The following COL9A1 variants were observed in gnomAD, a reference collection of about 807,000 sequenced individuals.
COL9A1 encodes collagen type IX alpha 1 chain.
A neutral mutation model predicts 142.6 loss-of-function variants in COL9A1; 104 were observed. The observed-to-expected ratio is 0.73, with a 90% CI of 0.62 to 0.86. COL9A1 has a LOEUF of 0.86. Ranked by LOEUF, COL9A1 falls within the 40% of genes least tolerant of loss-of-function variation. The probability of loss-of-function intolerance (pLI) is 0.00; values close to 1 mark genes in which losing one functional copy is unlikely to be tolerated. For missense variants in COL9A1, 1,210 were observed against 1,176.6 expected, an observed-to-expected ratio of 1.03 and a Z score of -0.42; for synonymous variants, 466 against 396.0, an observed-to-expected ratio of 1.18 and a Z score of -2.10.
chr6:70,270,353 T>C lies in COL9A1; in HGVS notation c.1158A>G (p.Arg386=). ...GRVGPVGDPG[R]RGPPGPPGPP... is the part of the protein sequence containing the mutation. ...GGCCAGGGGGGCCAGGTGGTCCTCT[T>C]CTCCCAGGGTCACCCTAAGTTATTT... is the stretch of plus-strand genomic sequence containing the variant. The change falls in exon 15 of 38, where the codon AGA becomes AGG. Residue 386 remains arginine (R), a synonymous_variant. Coordinates refer to ENST00000357250, the MANE Select transcript of COL9A1 (RefSeq NM_001851.6). 2 of 1,613,820 alleles carry C rather than the reference T, an allele frequency of 1.2e-6. No individual in the cohort carries two copies. Among genetic ancestry groups the C allele is most frequent in the Non-Finnish European group, 1.7e-6 (2 of 1,179,850 alleles).
chr6:70,273,453 T>C (rs1025462276), intron 12 of COL9A1, among the ~76,000 whole-genome samples: 7 of 151,028 alleles, frequency 4.6e-5, no homozygotes, highest in Admixed American at 2.0e-4. Flanking sequence ...ATAGCACAAA[T>C]AGGAAAAAAG....
In COL9A1 at chr6:70,300,381, G is replaced by A. The variant is rs1774018308; in HGVS notation, c.94C>T (p.Pro32Ser). The part of the protein sequence containing the change: ...SAAVKRRPRF[P>S]VNSNSNGGNE... ...CCACCATTAGAATTGGAATTGACAGGGAATCCTGCAAAAGAGATAGCATGT... is the reference window on the plus strand; with the variant it reads ...CCACCATTAGAATTGGAATTGACAGAGAATCCTGCAAAAGAGATAGCATGT... Residue 32 changes from proline (P) to serine (S), a missense_variant, in exon 3 of 38, where the codon CCT becomes TCT. Transcript: ENST00000357250. The A allele has an allele frequency of 3.1e-6, 5 of 1,609,904 alleles. No homozygotes were observed. Among genetic ancestry groups the A allele is most frequent in the South Asian group, 2.2e-5 (2 of 90,996 alleles).
Position 70,216,676 on chromosome 6 carries a change from ACT to A in COL9A1, c.*219_*220del, listed in dbSNP as rs2127543733. The A allele has an allele frequency of 1.8e-6, 1 of 569,328 alleles. No homozygotes were observed. Among genetic ancestry groups the A allele is most frequent in the African/African-American group, 1.9e-5 (1 of 51,286 alleles). 35.3% of individuals were successfully genotyped at this position (569,328 alleles called of 1,614,324 possible). On this transcript the variant is annotated 3_prime_UTR_variant, in exon 38 of 38. Coordinates refer to ENST00000357250, the MANE Select transcript of COL9A1 (RefSeq NM_001851.6). ...TTTCTTTTTTTTTTTTTAACTGATG[ACT>A]CTGCTGTCTTCCCTCCAAGGGAAAG...
Position 70,259,916 on chromosome 6 carries a change from G to A in COL9A1, c.1449+741C>T, listed in dbSNP as rs551749088. Among the ~76,000 whole-genome samples, 22 of 152,160 alleles carry A rather than the reference G, an allele frequency of 1.4e-4. No individual in the cohort carries two copies. The South Asian group carries it at 4.6e-3, about 32-fold the overall frequency. ...CCATAAGTGTATAACCCATGCTAAG[G>A]GCAGGGCTCATGGATCAGCTTGCAG... On this transcript the variant is annotated intron_variant, in intron 20 of 37. Transcript: ENST00000357250.
intron 6 of COL9A1, among the ~76,000 whole-genome samples, 164 bp downstream of exon 6, chr6:70,283,573 G>T (rs531759827): frequency 2.8e-4 from 43 of 152,288 alleles, no homozygotes; most frequent in African/African-American, 9.9e-4. Context: ...AGTATGAAGT[G>T]TACTTCCCTA....
chr6:70,272,544 G>A (rs1772475957), intron 12 of COL9A1, among the ~76,000 whole-genome samples: 1 of 151,836 alleles, frequency 6.6e-6, no homozygotes, highest in South Asian at 2.1e-4. Context: ...GAGAGGCAGG[G>A]ACAAAAAAGG....
chr6:70,283,199 G>A (rs781403057), intron 6 of COL9A1: 214 of 1,470,182 alleles, frequency 1.5e-4, no homozygotes, highest in Non-Finnish European at 1.9e-4. Context: ...TCCAGGCCCG[G>A]GAGGCGCGCG....
intron 32 of COL9A1, among the ~76,000 whole-genome samples, chr6:70,239,680 A>G (rs1469964305): frequency 6.6e-6 from 1 of 152,236 alleles, no homozygotes; most frequent in African/African-American, 2.4e-5. Flanking sequence ...AATTCAAACA[A>G]TATTTAAAAG....
intron 7 of COL9A1, among the ~76,000 whole-genome samples, chr6:70,282,355 C>G (rs535439578): frequency 6.6e-6 from 1 of 152,358 alleles, no homozygotes; most frequent in Admixed American, 6.5e-5. Context: ...GCCGGGTCCT[C>G]CCTCGCGCAG....
chr6:70,253,432 A>G lies in COL9A1; in HGVS notation c.1720-3T>C, dbSNP rs778109649. The stretch of plus-strand genomic sequence containing the variant: ...GCACCAGGAATTCCAGGTACACCCT[A>G]AAAGAATACATACACAATCCTAGTT... On this transcript the variant is annotated splice_polypyrimidine_tract_variant and splice_region_variant and intron_variant, in intron 25 of 37. Transcript: ENST00000357250. 2 of 1,602,872 alleles carry G rather than the reference A, an allele frequency of 1.2e-6. No individual in the cohort carries two copies. Among genetic ancestry groups the G allele is most frequent in the South Asian group, 2.2e-5 (2 of 90,574 alleles).
At chr6:70,220,485 CA>C (rs1768812943) in intron 37 of COL9A1, among the ~76,000 whole-genome samples, 1 of 151,516 alleles carries the variant, frequency 6.6e-6, no homozygotes, top group Non-Finnish European at 1.5e-5. Flanking sequence ...AAACAAAGCA[CA>C]GTATTGACTT....
intron 16 of COL9A1, 92 bp from the exon 17 acceptor site, chr6:70,268,952 T>C: frequency 1.9e-6 from 2 of 1,037,844 alleles, no homozygotes; most frequent in South Asian, 2.6e-5. Context: ...TTTTAAGGGA[T>C]TCCAGTTACA....
intron 36 of COL9A1, among the ~76,000 whole-genome samples, chr6:70,227,588 C>T (rs1041737803): frequency 1.3e-5 from 2 of 151,928 alleles, no homozygotes; most frequent in Non-Finnish European, 2.9e-5. Flanking sequence ...GCTAATTTGA[C>T]AATAGCTATC....
intron 28 of COL9A1, among the ~76,000 whole-genome samples, chr6:70,251,442 G>A (rs1463401325): frequency 1.3e-5 from 2 of 152,200 alleles, no homozygotes; most frequent in African/African-American, 2.4e-5. Flanking sequence ...AGCCACTCGG[G>A]AGGCTTAGGC....
chr6:70,280,404 C>A, intron 10 of COL9A1: 4 of 1,182,132 alleles, frequency 3.4e-6, no homozygotes, highest in Non-Finnish European at 4.2e-6. Context: ...GGTGAAAGAG[C>A]AAGGGCGAAG....
intron 4 of COL9A1, 123 bp downstream of exon 4, chr6:70,299,920 C>A: frequency 1.1e-6 from 1 of 940,016 alleles, no homozygotes; most frequent in Non-Finnish European, 1.6e-6. Flanking sequence ...TAAATTTCTT[C>A]ATCTTTAAAT....
chr6:70,260,798 A>C (rs12210870), intron 19 of COL9A1, 88 bp from the exon 20 acceptor site: 2 of 1,221,530 alleles, frequency 1.6e-6, no homozygotes, highest in Non-Finnish European at 2.4e-6. Context: ...TAGACAATGG[A>C]TATTATCATA....
At chr6:70,220,139 G>GTCA (rs147934773) in intron 37 of COL9A1, among the ~76,000 whole-genome samples, 8,719 of 151,182 alleles carry the variant, frequency 0.058, 440 homozygotes, top group East Asian at 0.13. Context: ...TTTTGATGAT[G>GTCA]TCATCATCAT....
rs769962925 is a variant in COL9A1 at position 70,241,974 on chromosome 6, T to C, written c.1988A>G (p.Lys663Arg). 2 of 1,595,376 alleles carry C rather than the reference T, an allele frequency of 1.3e-6. No individual in the cohort carries two copies. The highest frequency in any genetic ancestry group is 1.7e-6 in the Non-Finnish European group (2 of 1,169,478). Residue 663 changes from lysine to arginine, a missense_variant, in exon 30 of 38, where the codon AAA (lysine) becomes AGA (arginine). Transcript: ENST00000357250. ...LPGPPGLPGMKGDRGVVGEPG... is the reference protein window; with the variant it reads ...LPGPPGLPGMRGDRGVVGEPG... ...TGCTGGAGCTCTTACCCTGTCACCT[T>C]TCATTCCAGGAAGTCCAGGGGGCCC...
Sources: gnomAD v4.1 joint callset for allele counts (sites outside exome capture counted in the v4.1 genomes callset) on GRCh38, gnomAD v4.1.1 for gene constraint, MANE v1.5 for transcripts, NCBI Gene and HGNC (gene_info 2026-07-23, HGNC 2026-07-21) for gene names.